Variants in SAMD12 observed in about 807,000 individuals in gnomAD.
SAMD12 encodes sterile alpha motif domain-containing protein 12.
Under a neutral mutation model 15.0 loss-of-function variants are expected in SAMD12, and 9 were observed. That is an observed-to-expected ratio of 0.60 (90% CI 0.36 to 1.05). The LOEUF (loss-of-function observed/expected upper bound fraction) is 1.05, where lower values mean the gene tolerates loss of function less well. Among genes scored for constraint, SAMD12 ranks in the 50% least tolerant of loss-of-function variants. SAMD12 has a pLI of 0.01. For missense variants in SAMD12, 230 were observed against 234.2 expected, an observed-to-expected ratio of 0.98 and a Z score of 0.12; for synonymous variants, 86 against 90.1, an observed-to-expected ratio of 0.96 and a Z score of 0.25.
the SAMD12 span, among the ~76,000 whole-genome samples, chr8:118,133,244 C>T: frequency 1.3e-5 from 2 of 151,644 alleles, no homozygotes; most frequent in Non-Finnish European, 2.9e-5. Context: ...AGAAGGCATT[C>T]AATAAATGAT....
chr8:118,349,312 C>T (rs1817833872), intron 4 of SAMD12, among the ~76,000 whole-genome samples: 1 of 152,184 alleles, frequency 6.6e-6, no homozygotes, highest in South Asian at 2.1e-4. Context: ...GCTGTGTCAT[C>T]CTGGAAAATG....
intron 4 of SAMD12, among the ~76,000 whole-genome samples, chr8:118,218,175 A>C (rs1488705301): frequency 6.6e-6 from 1 of 152,210 alleles, no homozygotes; most frequent in African/African-American, 2.4e-5. Flanking sequence ...TTATTTATCT[A>C]TCCCGTTGTG....
rs11428909 is a variant in SAMD12, at chr8:118,207,928, C to CTT, written c.434-10198_434-10197dup. On this transcript the variant is annotated intron_variant, in intron 4 of 4. Transcript: ENST00000409003. ...GAATACAAGGTCTACGTAAATACTC[C>CTT]TTTTTTTTTTTGTCACCTCTCAAGG... Among the ~76,000 whole-genome samples, 387 of 149,658 alleles carry CTT rather than the reference C, an allele frequency of 2.6e-3. 2 individuals are homozygous for CTT. The highest frequency in any genetic ancestry group is 7.1e-3 in the African/African-American group (293 of 40,994).
downstream of SAMD12, among the ~76,000 whole-genome samples, chr8:118,373,763 T>G (rs774136864): frequency 2.0e-5 from 3 of 152,198 alleles, no homozygotes; most frequent in Admixed American, 6.6e-5. Context: ...TGCCACTGTT[T>G]TCTATTGCCT....
At chr8:118,368,010 A>G (rs1818884481) in intron 4 of SAMD12, among the ~76,000 whole-genome samples, 1 of 152,200 alleles carries the variant, frequency 6.6e-6, no homozygotes, top group Non-Finnish European at 1.5e-5. Flanking sequence ...CATAATTCTA[A>G]CTGCTACTGA....
chr8:118,341,241 C>T (rs769107516), intron 4 of SAMD12, among the ~76,000 whole-genome samples: 4 of 152,106 alleles, frequency 2.6e-5, no homozygotes, highest in Non-Finnish European at 4.4e-5. Flanking sequence ...TGCCTCACTG[C>T]CCTGAACACA....
chr8:118,199,780 C>T (rs116322475), intron 4 of SAMD12, among the ~76,000 whole-genome samples: 468 of 152,276 alleles, frequency 3.1e-3, no homozygotes, highest in Middle Eastern at 0.014. Context: ...TTGCCCAATC[C>T]TCTTCTCAGG....
chr8:118,400,420 A>C (rs1820812433), intron 3 of SAMD12: 1 of 152,230 alleles, frequency 6.6e-6, no homozygotes, highest in Non-Finnish European at 1.5e-5. Flanking sequence ...TGATTTTAAG[A>C]AACTTTCTTA....
At chr8:118,333,697 GGATTTAT>G (rs1257282497) in intron 4 of SAMD12, among the ~76,000 whole-genome samples, 3 of 152,074 alleles carry the variant, frequency 2.0e-5, no homozygotes, top group Admixed American at 6.6e-5. Context: ...TAAAGGACCA[GGATTTAT>G]GTACCCCATT....
At chr8:118,161,564 A>AT in the SAMD12 span, among the ~76,000 whole-genome samples, 1 of 151,308 alleles carries the variant, frequency 6.6e-6, no homozygotes, top group East Asian at 1.9e-4. Flanking sequence ...GACTGTCTAA[A>AT]AAAAAAAAAA....
chr8:118,519,800 A>G (rs973220101), intron 2 of SAMD12, among the ~76,000 whole-genome samples: 1 of 152,232 alleles, frequency 6.6e-6, no homozygotes, highest in Non-Finnish European at 1.5e-5. Context: ...TAAAATTAGA[A>G]CTTGCTATTA....
intron 3 of SAMD12, among the ~76,000 whole-genome samples, chr8:118,398,880 T>C (rs1468815916): frequency 6.6e-6 from 1 of 152,092 alleles, no homozygotes; most frequent in Non-Finnish European, 1.5e-5. Flanking sequence ...CTGTTTTTTT[T>C]GTGTGTGTTT....
At chr8:118,542,672 A>G (rs1313537852) in intron 2 of SAMD12, among the ~76,000 whole-genome samples, 3 of 152,250 alleles carry the variant, frequency 2.0e-5, no homozygotes, top group African/African-American at 7.2e-5. Context: ...AACTAGATCC[A>G]AGTGAAAGTT....
chr8:118,560,369 T>C (rs1761025221), intron 2 of SAMD12, among the ~76,000 whole-genome samples: 1 of 152,212 alleles, frequency 6.6e-6, no homozygotes, highest in Admixed American at 6.5e-5. Context: ...CTGACAGCCA[T>C]GTAGAATTAT....
intron 4 of SAMD12, among the ~76,000 whole-genome samples, chr8:118,328,629 C>T (rs943199112): frequency 2.6e-5 from 4 of 152,162 alleles, no homozygotes; most frequent in African/African-American, 9.7e-5. Flanking sequence ...TGACCACAGA[C>T]TTAAAGTATA....
At chr8:118,172,027 T>C in the SAMD12 span, among the ~76,000 whole-genome samples, 262 of 152,160 alleles carry the variant, frequency 1.7e-3, no homozygotes, top group African/African-American at 6.0e-3. Context: ...ACACTGCATG[T>C]TCTCACTCAT....
At chr8:118,283,473 C>T (rs755245470) in intron 4 of SAMD12, among the ~76,000 whole-genome samples, 2 of 152,186 alleles carry the variant, frequency 1.3e-5, no homozygotes, top group Non-Finnish European at 2.9e-5. Context: ...AAGAGAGACA[C>T]GACTAATCCA....
chr8:118,524,513 C>T lies in SAMD12; in HGVS notation c.192+56202G>A, dbSNP rs1382285457. Among the ~76,000 whole-genome samples the T allele has an allele frequency of 3.3e-5, 5 of 152,190 alleles. No individual in the cohort carries two copies. In the East Asian group the frequency reaches 5.8e-4, roughly 18 times the overall value. On this transcript the variant is annotated intron_variant, in intron 2 of 3. Coordinates refer to ENST00000314727, the MANE Select transcript of SAMD12 (RefSeq NM_207506.3). ...GCTCTTCCCTCCCCCTAGGATAACT[C>T]GCCCAGTCTCCAGGCTTTAAATACC...
chr8:118,606,112 ACT>A (rs1302871332), intron 1 of SAMD12, among the ~76,000 whole-genome samples: 1 of 151,788 alleles, frequency 6.6e-6, no homozygotes, highest in Non-Finnish European at 1.5e-5. Flanking sequence ...GGAACTTAAA[ACT>A]CTCATTACTT....
Sources: gnomAD v4.1 joint callset for allele counts (sites outside exome capture counted in the v4.1 genomes callset) on GRCh38, gnomAD v4.1.1 for gene constraint, MANE v1.5 for transcripts, NCBI Gene and HGNC (gene_info 2026-07-23, HGNC 2026-07-21) for gene names.